Variants in PGR observed in about 807,000 individuals in gnomAD.
PGR encodes the protein nuclear receptor subfamily 3 group C member 3.
Under a neutral mutation model 76.1 loss-of-function variants are expected in PGR, and 25 were observed. The observed-to-expected ratio is 0.33, with a 90% confidence interval of 0.24 to 0.46. PGR has a LOEUF of 0.46. Ranked by LOEUF, PGR falls within the 20% of genes least tolerant of loss-of-function variation. PGR has a pLI of 1.00. For missense variants in PGR, 1,172 were observed against 1,225.3 expected, an observed-to-expected ratio of 0.96 and a Z score of 0.65; for synonymous variants, 579 against 535.0, an observed-to-expected ratio of 1.08 and a Z score of -1.14.
At chr11:101,112,553 A>T (rs890520982) in intron 2 of PGR, among the ~76,000 whole-genome samples, 1 of 152,202 alleles carries the variant, frequency 6.6e-6, no homozygotes, top group Non-Finnish European at 1.5e-5. Context: ...TCCGAAAATT[A>T]GGAAGCAAGG....
At chr11:101,063,715 T>C (rs1860596732) in intron 3 of PGR, 1 of 152,254 alleles carries the variant, frequency 6.6e-6, no homozygotes, top group South Asian at 2.1e-4. Context: ...GGTTGCAATC[T>C]GCTGGCTCTA....
rs1226467147 is a variant in PGR, at chr11:101,091,752, A to G, written c.1906+8T>C. ...ACAGTATATTATTGATGAAAACATC[A>G]GAATTACCTCCAAGGACCATGCCAG... is the stretch of plus-strand genomic sequence containing the variant. On this transcript the variant is annotated splice_region_variant and intron_variant, in intron 3 of 7. Transcript: ENST00000325455. 5.1e-6 allele frequency: 7 copies of G among 1,364,216 alleles called. No individual in the cohort carries two copies. The highest frequency in any genetic ancestry group is 7.4e-6 in the Non-Finnish European group (7 of 951,884). The allele number at this position is 1,364,216 out of a possible 1,614,324, so 84.5% of individuals were successfully genotyped here.
chr11:101,044,700 C>CTTTTTTTT (rs34361620), intron 6 of PGR, among the ~76,000 whole-genome samples: 4 of 75,848 alleles, frequency 5.3e-5, no homozygotes, highest in Non-Finnish European at 7.5e-5. Context: ...GGCCTAATTG[C>CTTTTTTTT]TTTTTTTTTT....
chr11:101,060,784 A>G (rs1860464607), intron 4 of PGR, among the ~76,000 whole-genome samples: 1 of 152,164 alleles, frequency 6.6e-6, no homozygotes, highest in Non-Finnish European at 1.5e-5. Flanking sequence ...CATTATTCTG[A>G]TTTACTACAC....
At position 101,126,085 on chromosome 11, in the gene PGR, C is replaced by T; in HGVS notation, c.1711G>A (p.Gly571Arg). ...TAATGACAGCCTGATGCTTCATCCCCACAGATTAAACAAATCTTCTGAGGT... is the reference window on the plus strand; with the variant it reads ...TAATGACAGCCTGATGCTTCATCCCTACAGATTAAACAAATCTTCTGAGGT... ...SLPQKICLIC[G>R]DEASGCHYGV... Residue 571 changes from glycine (G) to arginine (R), a missense_variant, in exon 2 of 8, where the codon GGG (glycine) becomes AGG (arginine). Physicochemically the swap from Gly to Arg is moderately radical, Grantham distance 125 (BLOSUM62 -2). Transcript: ENST00000325455. 6.2e-7 allele frequency: 1 copy of T among 1,614,046 alleles called. No individual in the cohort carries two copies. The highest frequency in any genetic ancestry group is 8.5e-7 in the Non-Finnish European group (1 of 1,179,940).
intron 3 of PGR, among the ~76,000 whole-genome samples, chr11:101,069,182 AC>A (rs1481945113): frequency 6.6e-6 from 1 of 151,388 alleles, no homozygotes; most frequent in Non-Finnish European, 1.5e-5. Context: ...GAAAAAAAAA[AC>A]ATCAAAAAGT....
chr11:101,040,510 A>G (rs758220726), intron 7 of PGR, among the ~76,000 whole-genome samples: 3 of 152,010 alleles, frequency 2.0e-5, no homozygotes, highest in Admixed American at 6.6e-5. Flanking sequence ...TACTTGTTTG[A>G]TGGTTTGGCT....
At chr11:101,055,457 T>C in intron 4 of PGR, among the ~76,000 whole-genome samples, 1 of 149,294 alleles carries the variant, frequency 6.7e-6, no homozygotes, top group South Asian at 2.1e-4. Context: ...TCATAGAAAG[T>C]TCGTTTTCAT....
intron 3 of PGR, among the ~76,000 whole-genome samples, chr11:101,067,105 T>C (rs530251177): frequency 7.2e-5 from 11 of 152,270 alleles, no homozygotes; most frequent in African/African-American, 2.4e-4. Flanking sequence ...TCCACCCATA[T>C]TGATGCCCAT....
intron 3 of PGR, among the ~76,000 whole-genome samples, chr11:101,067,958 C>A (rs768642063): frequency 5.3e-5 from 8 of 151,782 alleles, no homozygotes; most frequent in African/African-American, 1.7e-4. Context: ...AAGAAAATGA[C>A]CAACTCCAAA....
Position 101,129,224 on chromosome 11 carries a change from G to T in PGR, c.-154C>A, listed in dbSNP as rs914479750. ...ATCTCCACCTCCTGGGTCGGGGGCG[G>T]GGGAGGGCGGCGCTGGTCAGCTCCT... On this transcript the variant is annotated 5_prime_UTR_variant, in exon 1 of 8. Transcript: ENST00000325455. 8.2e-6 allele frequency: 2 copies of T among 243,790 alleles called. No homozygotes were observed. Among genetic ancestry groups the T allele is most frequent in the Admixed American group, 9.8e-5 (2 of 20,458 alleles). The allele number at this position is 243,790 out of a possible 1,614,324, so 15.1% of individuals were successfully genotyped here. A position where few individuals can be genotyped will look rare whatever the true frequency, so the allele number is the denominator to read the frequency against.
chr11:101,043,672 C>T (rs1211736974), intron 6 of PGR, among the ~76,000 whole-genome samples: 1 of 152,164 alleles, frequency 6.6e-6, no homozygotes, highest in Non-Finnish European at 1.5e-5. Flanking sequence ...GAAAATTACT[C>T]TTTGATCTAT....
In PGR at chr11:101,129,144, A is replaced by G; in HGVS notation, c.-74T>C. 8.5e-7 allele frequency: 1 copy of G among 1,173,312 alleles called. No homozygotes were observed. The highest frequency in any genetic ancestry group is 2.7e-4 in the Middle Eastern group (1 of 3,664). 72.7% of individuals were successfully genotyped at this position (1,173,312 alleles called of 1,614,324 possible). A position where few individuals can be genotyped will look rare whatever the true frequency, so the allele number is the denominator to read the frequency against. On this transcript the variant is annotated 5_prime_UTR_variant, in exon 1 of 8. Coordinates refer to ENST00000325455, the MANE Select transcript of PGR (RefSeq NM_000926.4). Reference sequence around the variant, plus strand: ...AAGGGAAGGAGGAGGGGGTTTCGGGAATATAGGGGCAGAGGGAGGAGAAAG... The same window carrying G: ...AAGGGAAGGAGGAGGGGGTTTCGGGGATATAGGGGCAGAGGGAGGAGAAAG...
intron 3 of PGR, among the ~76,000 whole-genome samples, chr11:101,080,083 C>G: frequency 6.6e-6 from 1 of 152,166 alleles, no homozygotes; most frequent in East Asian, 1.9e-4. Flanking sequence ...TCAGGGGACG[C>G]AGGTGGACCT....
rs543444105 is a variant in PGR at position 101,105,233 on chromosome 11, G to A, written c.1790-13357C>T. On this transcript the variant is annotated intron_variant, in intron 2 of 7. Coordinates refer to ENST00000325455, the MANE Select transcript of PGR (RefSeq NM_000926.4). Reference sequence around the variant, plus strand: ...AGATATGGTACCACTGGAGACACTGGAGCAGACGGCTAACATGATCTGACT... The same window carrying A: ...AGATATGGTACCACTGGAGACACTGAAGCAGACGGCTAACATGATCTGACT... Among the ~76,000 whole-genome samples, 3 of 152,290 alleles carry A rather than the reference G, an allele frequency of 2.0e-5. No homozygotes were observed. In the South Asian group the frequency reaches 6.2e-4, roughly 32 times the overall value.
In PGR at chr11:101,127,706, C is replaced by T. The variant is rs1862907936; in HGVS notation, c.1365G>A (p.Gly455=). 7 of 1,583,876 alleles carry T rather than the reference C, an allele frequency of 4.4e-6. No individual in the cohort carries two copies. The highest frequency in any genetic ancestry group is 6.0e-6 in the Non-Finnish European group (7 of 1,174,044). Residue 455 remains glycine, a synonymous_variant, in exon 1 of 8, where the codon GGG becomes GGA. Transcript: ENST00000325455. ...TGTACAGGATGCACTCCAGGGTCGA[C>T]CCCGAGGAGGACGCAGACGAGACTG... ...SASVSSASSS[G]STLECILYKA... is the part of the protein sequence containing the mutation.
At chr11:101,123,619 A>G (rs891825175) in intron 2 of PGR, among the ~76,000 whole-genome samples, 1 of 152,184 alleles carries the variant, frequency 6.6e-6, no homozygotes, top group Non-Finnish European at 1.5e-5. Context: ...TTGACTGTAT[A>G]CACTTAAAGC....
At chr11:101,066,820 C>A (rs556959367) in intron 3 of PGR, among the ~76,000 whole-genome samples, 1 of 152,236 alleles carries the variant, frequency 6.6e-6, no homozygotes, top group South Asian at 2.1e-4. Flanking sequence ...AAATATAACC[C>A]AAATCCAAAT....
chr11:101,101,172 G>T (rs990189490), intron 2 of PGR, among the ~76,000 whole-genome samples: 1 of 152,038 alleles, frequency 6.6e-6, no homozygotes, highest in African/African-American at 2.4e-5. Context: ...ATTGACCACT[G>T]ATAATTCACA....
Sources: gnomAD v4.1 joint callset for allele counts (sites outside exome capture counted in the v4.1 genomes callset) on GRCh38, gnomAD v4.1.1 for gene constraint, MANE v1.5 for transcripts, NCBI Gene and HGNC (gene_info 2026-07-23, HGNC 2026-07-21) for gene names.